KLF5: variants seen among roughly 807,000 people sequenced by gnomAD.
KLF5 encodes the protein KLF transcription factor 5.
KLF5 carries 9 observed loss-of-function variants against 36.9 expected under a neutral mutation model. The observed-to-expected ratio is 0.24, with a 90% CI of 0.15 to 0.43. KLF5 has a LOEUF of 0.43. KLF5 is among the 20% of genes least tolerant of loss of function. KLF5 has a pLI of 1.00. For synonymous variants in KLF5, 246 were observed against 241.7 expected (o/e 1.02, Z -0.17); for missense variants, 524 against 599.5 (o/e 0.87, Z 1.31).
rs973996666 is a variant in KLF5 at position 73,059,049 on chromosome 13, C to T, written c.-279C>T. Reference sequence around the variant, plus strand: ...GCGCTCGCGGTTCTCTCGCGGAGGTCGGCGGTGGCGGGAGCGGGCTCCGGA... The same window carrying T: ...GCGCTCGCGGTTCTCTCGCGGAGGTTGGCGGTGGCGGGAGCGGGCTCCGGA... On this transcript the variant is annotated 5_prime_UTR_variant, in exon 1 of 4. Coordinates refer to ENST00000377687, the MANE Select transcript of KLF5 (RefSeq NM_001730.5). 2.6e-5 allele frequency: 8 copies of T among 307,012 alleles called. No homozygotes were observed. Among genetic ancestry groups the T allele is most frequent in the Non-Finnish European group, 4.2e-5 (7 of 167,334 alleles). 19.0% of individuals were successfully genotyped at this position (307,012 alleles called of 1,614,324 possible).
Position 73,059,450 on chromosome 13 carries a change from C to T in KLF5, c.123C>T (p.Arg41=). Residue 41 remains arginine, a synonymous_variant, in exon 1 of 4, where the codon CGC becomes CGT. Transcript: ENST00000377687. The part of the protein sequence containing the change: ...KPVLGAANPA[R]DAALFPGEEL... The stretch of plus-strand genomic sequence containing the variant: ...TGCTGGGCGCCGCGAATCCGGCCCG[C>T]GACGCGGCGCTCTTCCCCGGCGAGG... 1 of 1,281,246 alleles carries T rather than the reference C, an allele frequency of 7.8e-7. No homozygotes were observed. 79.4% of individuals were successfully genotyped at this position (1,281,246 alleles called of 1,614,324 possible).
intron 2 of KLF5, among the ~76,000 whole-genome samples, chr13:73,063,542 G>A (rs1188557803): frequency 6.6e-6 from 1 of 152,144 alleles, no homozygotes; most frequent in African/African-American, 2.4e-5. Flanking sequence ...TCTTAATACG[G>A]AAGTACAGCA....
intron 3 of KLF5, among the ~76,000 whole-genome samples, chr13:73,066,438 C>T (rs754690523): frequency 4.6e-5 from 7 of 151,850 alleles, no homozygotes; most frequent in Admixed American, 6.6e-5. Flanking sequence ...TCCTCCCTCT[C>T]GGACCGTTGA....
Position 73,062,629 on chromosome 13 carries a change from C to T in KLF5, c.1030C>T (p.Pro344Ser), listed in dbSNP as rs1186605880. The change falls in exon 2 of 4, where the codon CCC (proline) becomes TCC (serine). Residue 344 changes from proline (P) to serine (S), a missense_variant. Transcript: ENST00000377687. ...ACTGGCAATTCACAATCCAAATTTA[C>T]CCACCACCCTGCCAGTTAACTCACA... Reference protein sequence around the residue: ...SKLAIHNPNLPTTLPVNSQNI... With the variant: ...SKLAIHNPNLSTTLPVNSQNI... 3 of 1,614,184 alleles carry T rather than the reference C, an allele frequency of 1.9e-6. No individual in the cohort carries two copies. The highest frequency in any genetic ancestry group is 2.2e-5 in the East Asian group (1 of 44,878).
intron 1 of KLF5, 110 bp downstream of exon 1, chr13:73,059,698 C>A: frequency 1.1e-6 from 1 of 948,510 alleles, no homozygotes; most frequent in South Asian, 5.0e-5. Context: ...TGCGTCGGGG[C>A]GCACCGGAGC....
At position 73,059,246 on chromosome 13, in the gene KLF5, G is replaced by T; in HGVS notation, c.-82G>T. On this transcript the variant is annotated 5_prime_UTR_variant, in exon 1 of 4. Transcript: ENST00000377687. Reference sequence around the variant, plus strand: ...TCCCCTCCTCCGCCGGCAGCCCCGCGCTGAGCTCGCCGACCCAAGCCAGCG... The same window carrying T: ...TCCCCTCCTCCGCCGGCAGCCCCGCTCTGAGCTCGCCGACCCAAGCCAGCG... 8.1e-7 allele frequency: 1 copy of T among 1,232,660 alleles called. No homozygotes were observed. Among genetic ancestry groups the T allele is most frequent in the Non-Finnish European group, 1.0e-6 (1 of 977,798 alleles). 76.4% of individuals were successfully genotyped at this position (1,232,660 alleles called of 1,614,324 possible).
At chr13:73,063,272 A>G (rs555353374) in intron 2 of KLF5, among the ~76,000 whole-genome samples, 1 of 152,346 alleles carries the variant, frequency 6.6e-6, no homozygotes, top group Admixed American at 6.5e-5. Context: ...GCACGTGAGC[A>G]TATGCTCAGT....
chr13:73,069,192 A>C (rs112249254), intron 3 of KLF5, among the ~76,000 whole-genome samples: 1 of 152,262 alleles, frequency 6.6e-6, no homozygotes, highest in East Asian at 1.9e-4. Flanking sequence ...CAGTGTTCTG[A>C]ACATAAGTTA....
chr13:73,069,529 ATTTAT>A (rs2044707687), intron 3 of KLF5, among the ~76,000 whole-genome samples: 1 of 151,928 alleles, frequency 6.6e-6, no homozygotes, highest in Non-Finnish European at 1.5e-5. Context: ...CAGCTTTGAA[ATTTAT>A]TTTGTGTATT....
chr13:73,059,079 C>G lies in KLF5; in HGVS notation c.-249C>G, dbSNP rs961693081. ...GTGGCGGGAGCGGGCTCCGGAGAGC[C>G]TGAGAGCACGGTGGGGCGGGGCGGG... On this transcript the variant is annotated 5_prime_UTR_variant, in exon 1 of 4. Transcript: ENST00000377687. 1.4e-5 allele frequency: 5 copies of G among 353,214 alleles called. No individual in the cohort carries two copies. The highest frequency in any genetic ancestry group is 4.8e-5 in the Admixed American group (1 of 20,890). 21.9% of individuals were successfully genotyped at this position (353,214 alleles called of 1,614,324 possible). A position where few individuals can be genotyped will look rare whatever the true frequency, so the allele number is the denominator to read the frequency against.
At chr13:73,074,836 GT>G (rs535859349) in intron 3 of KLF5, among the ~76,000 whole-genome samples, 1,531 of 152,260 alleles carry the variant, frequency 0.01, 17 homozygotes, top group Middle Eastern at 0.02. Context: ...GAGGCCAACT[GT>G]TTTTATTTTG....
chr13:73,062,830 C>CT, intron 2 of KLF5, 96 bp downstream of exon 2: 2 of 1,040,072 alleles, frequency 1.9e-6, no homozygotes, highest in Non-Finnish European at 2.8e-6. Context: ...CGCGCGTGCC[C>CT]TTTTCAACCT....
chr13:73,058,771 G>C (rs1023265252), upstream of KLF5: 1 of 152,424 alleles, frequency 6.6e-6, no homozygotes, highest in Non-Finnish European at 1.5e-5. Context: ...CAATCTGTCA[G>C]AGAAGTTGTG....
upstream of KLF5, among the ~76,000 whole-genome samples, chr13:73,058,223 T>A (rs1029897498): frequency 6.6e-6 from 1 of 152,246 alleles, no homozygotes; most frequent in African/African-American, 2.4e-5. Context: ...GCTTAAATAT[T>A]AGAAACTTCA....
intron 3 of KLF5, among the ~76,000 whole-genome samples, chr13:73,074,609 CACAA>C (rs745720649): frequency 3.3e-5 from 5 of 152,120 alleles, no homozygotes; most frequent in African/African-American, 4.8e-5. Flanking sequence ...TAGGATTCTT[CACAA>C]ACAGAGAATT....
chr13:73,066,925 A>G (rs1342936359), intron 3 of KLF5, among the ~76,000 whole-genome samples: 1 of 152,158 alleles, frequency 6.6e-6, no homozygotes, highest in Non-Finnish European at 1.5e-5. Flanking sequence ...GAATAATTAT[A>G]TTTTATTTAT....
chr13:73,069,127 GATA>G (rs2044704403), intron 3 of KLF5, among the ~76,000 whole-genome samples: 1 of 151,970 alleles, frequency 6.6e-6, no homozygotes, highest in African/African-American at 2.4e-5. Context: ...ATAAAAAATC[GATA>G]ATATTGACAA....
Position 73,059,332 on chromosome 13 carries a change from C to T in KLF5, c.5C>T (p.Ala2Val). 1 of 1,404,988 alleles carries T rather than the reference C, an allele frequency of 7.1e-7. No individual in the cohort carries two copies. The highest frequency in any genetic ancestry group is 9.2e-7 in the Non-Finnish European group (1 of 1,081,308). 87.0% of individuals were successfully genotyped at this position (1,404,988 alleles called of 1,614,324 possible). M[A>V]TRVLSMSARL... ...GAGCTGCGCCCCCGAGTGCCCATGG[C>T]TACAAGGGTGCTGAGCATGAGCGCC... The change falls in exon 1 of 4, where the codon GCT becomes GTT. Residue 2 changes from alanine to valine, a missense_variant. By Grantham distance (64) the Ala-to-Val change is moderately conservative (BLOSUM62 0). Transcript: ENST00000377687.
At chr13:73,066,732 T>C (rs1037459230) in intron 3 of KLF5, among the ~76,000 whole-genome samples, 1 of 152,186 alleles carries the variant, frequency 6.6e-6, no homozygotes, top group Admixed American at 6.6e-5. Flanking sequence ...AATAGAACTT[T>C]TTAAGTAATC....
Sources: gnomAD v4.1 joint callset for allele counts (sites outside exome capture counted in the v4.1 genomes callset) on GRCh38, gnomAD v4.1.1 for gene constraint, MANE v1.5 for transcripts, NCBI Gene and HGNC (gene_info 2026-07-23, HGNC 2026-07-21) for gene names.